Variants in TGFBRAP1 observed in about 807,000 individuals in gnomAD.
The protein encoded by TGFBRAP1 is transforming growth factor-beta receptor-associated protein 1.
A neutral mutation model predicts 83.2 loss-of-function variants in TGFBRAP1; 20 were observed. The ratio of observed to expected loss-of-function variants is 0.24; its 90% CI spans 0.17 to 0.35. The LOEUF (loss-of-function observed/expected upper bound fraction) is 0.35. Ranked by LOEUF, TGFBRAP1 falls within the 10% of genes least tolerant of loss-of-function variation. The pLI, the probability that TGFBRAP1 is intolerant of heterozygous loss-of-function variation, is 1.00. For synonymous variants in TGFBRAP1, 415 were observed against 459.8 expected (o/e 0.90, Z 1.25); for missense variants, 950 against 1,099.4 (o/e 0.86, Z 1.92).
chr2:105,281,325 T>C (rs1374896844), intron 5 of TGFBRAP1, among the ~76,000 whole-genome samples: 4 of 152,150 alleles, frequency 2.6e-5, no homozygotes, highest in African/African-American at 9.7e-5. Flanking sequence ...CTCCGGAACC[T>C]CCTTGTCCTG....
At chr2:105,259,381 C>T in the TGFBRAP1 span, among the ~76,000 whole-genome samples, 1 of 152,190 alleles carries the variant, frequency 6.6e-6, no homozygotes, top group Admixed American at 6.6e-5. Flanking sequence ...TTCTTGCCCT[C>T]CCAGGAAAGT....
At chr2:105,307,517 G>T in intron 2 of TGFBRAP1, 97 bp downstream of exon 2, 1 of 1,302,044 alleles carries the variant, frequency 7.7e-7, no homozygotes, top group Non-Finnish European at 1.1e-6. Context: ...TGTCACTGAG[G>T]ATTTATTCTG....
Position 105,280,463 on chromosome 2 carries a change from T to C in TGFBRAP1, c.1382A>G (p.His461Arg). 1 of 1,614,190 alleles carries C rather than the reference T, an allele frequency of 6.2e-7. No homozygotes were observed. Among genetic ancestry groups the C allele is most frequent in the Non-Finnish European group, 8.5e-7 (1 of 1,180,016 alleles). The change falls in exon 6 of 12, where the codon CAC becomes CGC. Residue 461 changes from histidine to arginine, a missense_variant. His to Arg is a conservative substitution (Grantham distance 29). Transcript: ENST00000393359. ...ALLKLYAEAD[H>R]DSLLDLLVTE... ...GACCAGGAGGTCCAGCAGGCTGTCG[T>C]GGTCAGCCTCTGCATACAGTTTGAG...
rs80211351 is a variant in TGFBRAP1, at chr2:105,303,357, C to T, written c.688+4257G>A. Among the ~76,000 whole-genome samples, 64 of 152,320 alleles carry T rather than the reference C, an allele frequency of 4.2e-4. No individual in the cohort carries two copies. The East Asian group carries it at 0.011, about 27-fold the overall frequency. On this transcript the variant is annotated intron_variant, in intron 2 of 11. Coordinates refer to ENST00000393359, the MANE Select transcript of TGFBRAP1 (RefSeq NM_004257.6). ...CAATGAGCAGTAAGCACCTCTGGCTCCCAGACTGTGGTCTGTAAACATCAG... is the reference window on the plus strand; with the variant it reads ...CAATGAGCAGTAAGCACCTCTGGCTTCCAGACTGTGGTCTGTAAACATCAG...
At chr2:105,277,699 A>T in intron 6 of TGFBRAP1, 28 bp from the exon 7 acceptor site, 1 of 1,611,820 alleles carries the variant, frequency 6.2e-7, no homozygotes, top group Non-Finnish European at 8.5e-7. Flanking sequence ...GGTAAGTACA[A>T]CCTCTCCCCA....
chr2:105,329,588 G>GCCCCGCA (rs1241533764), intron 1 of TGFBRAP1, 37 bp downstream of exon 1: 2 of 145,820 alleles, frequency 1.4e-5, no homozygotes, highest in Admixed American at 6.8e-5. Flanking sequence ...CGCGCCCTGA[G>GCCCCGCA]CCCCGCACCC....
chr2:105,268,046 T>A (rs1677003695), intron 11 of TGFBRAP1, among the ~76,000 whole-genome samples: 1 of 152,242 alleles, frequency 6.6e-6, no homozygotes, highest in South Asian at 2.1e-4. Flanking sequence ...CCCTTCCGTT[T>A]CCTTAGAGGT....
chr2:105,252,204 G>A, the TGFBRAP1 span, among the ~76,000 whole-genome samples: 5 of 152,196 alleles, frequency 3.3e-5, no homozygotes, highest in South Asian at 4.2e-4. Flanking sequence ...GCATTTTTGC[G>A]GTGGTCTCAT....
At chr2:105,255,125 T>C in the TGFBRAP1 span, among the ~76,000 whole-genome samples, 1 of 152,134 alleles carries the variant, frequency 6.6e-6, no homozygotes, top group Non-Finnish European at 1.5e-5. Context: ...CTATTCTCTG[T>C]CCTGAGAAGC....
Position 105,272,989 on chromosome 2 carries a change from G to T in TGFBRAP1, c.1838C>A (p.Ala613Asp). 1 of 1,613,532 alleles carries T rather than the reference G, an allele frequency of 6.2e-7. No individual in the cohort carries two copies. Among genetic ancestry groups the T allele is most frequent in the Non-Finnish European group, 8.5e-7 (1 of 1,179,968 alleles). ...CAGCACCTCTTCCAGGTACAGCACA[G>T]CTAAGTGGGTGTGATACTCTTCTTT... ...LQKEEYHTHLAVLYLEEVLLQ... is the reference protein window; with the variant it reads ...LQKEEYHTHLDVLYLEEVLLQ... The change falls in exon 10 of 12, where the codon GCT becomes GAT. Residue 613 changes from alanine (A) to aspartate (D), a missense_variant. Coordinates refer to ENST00000393359, the MANE Select transcript of TGFBRAP1 (RefSeq NM_004257.6).
chr2:105,268,417 A>G (rs571026077), intron 11 of TGFBRAP1, among the ~76,000 whole-genome samples: 13 of 152,366 alleles, frequency 8.5e-5, no homozygotes, highest in South Asian at 2.1e-4. Context: ...CTTAAGAGGT[A>G]TGAGATGGCT....
chr2:105,298,584 G>A lies in TGFBRAP1; in HGVS notation c.810C>T (p.Val270=). The change falls in exon 3 of 12, where the codon GTC becomes GTT. Residue 270 remains valine, a synonymous_variant. Coordinates refer to ENST00000393359, the MANE Select transcript of TGFBRAP1 (RefSeq NM_004257.6). ...TCTGTTGCTGATCCAACATGCTGTGGACTGTGATGAATTCGTCATCGAGCG... is the reference window on the plus strand; with the variant it reads ...TCTGTTGCTGATCCAACATGCTGTGAACTGTGATGAATTCGTCATCGAGCG... ...VIALDDEFIT[V]HSMLDQQQKQ... The A allele has an allele frequency of 6.2e-7, 1 of 1,614,130 alleles. No individual in the cohort carries two copies. Among genetic ancestry groups the A allele is most frequent in the Non-Finnish European group, 8.5e-7 (1 of 1,180,012 alleles).
chr2:105,289,514 A>G (rs1310084418), intron 4 of TGFBRAP1, among the ~76,000 whole-genome samples: 1 of 147,138 alleles, frequency 6.8e-6, no homozygotes, highest in Non-Finnish European at 1.5e-5. Flanking sequence ...GAGATATGTT[A>G]TGTATTGAGG....
intron 10 of TGFBRAP1, among the ~76,000 whole-genome samples, chr2:105,272,261 T>C (rs1677180747): frequency 6.6e-6 from 1 of 152,170 alleles, no homozygotes; most frequent in Admixed American, 6.5e-5. Flanking sequence ...GAAACCCAAA[T>C]GCCCTCCAAG....
At chr2:105,254,304 C>G in the TGFBRAP1 span, among the ~76,000 whole-genome samples, 1 of 152,116 alleles carries the variant, frequency 6.6e-6, no homozygotes, top group African/African-American at 2.4e-5. Context: ...TACTTCTCAT[C>G]AGCCACCCCT....
At chr2:105,315,492 G>A (rs963898290) in intron 1 of TGFBRAP1, among the ~76,000 whole-genome samples, 2 of 152,172 alleles carry the variant, frequency 1.3e-5, no homozygotes, top group Non-Finnish European at 2.9e-5. Flanking sequence ...CTCATATCCA[G>A]AATATAGAAA....
chr2:105,323,723 A>G (rs1014416712), intron 1 of TGFBRAP1, among the ~76,000 whole-genome samples: 1 of 152,124 alleles, frequency 6.6e-6, no homozygotes, highest in Non-Finnish European at 1.5e-5. Flanking sequence ...CTACTAGAAA[A>G]CAAACTGCCA....
chr2:105,308,775 CA>C (rs1338556163), intron 1 of TGFBRAP1, among the ~76,000 whole-genome samples: 1 of 150,654 alleles, frequency 6.6e-6, no homozygotes, highest in East Asian at 2.0e-4. Flanking sequence ...AAAAAAAAAA[CA>C]AAAAGGATTT....
Position 105,277,640 on chromosome 2 carries a change from T to G in TGFBRAP1, c.1495A>C (p.Asn499His). 6.2e-7 allele frequency: 1 copy of G among 1,614,166 alleles called. No individual in the cohort carries two copies. Among genetic ancestry groups the G allele is most frequent in the Non-Finnish European group, 8.5e-7 (1 of 1,180,038 alleles). ...TGAACTGCAGCAGCATCTTGGTTAT[T>G]ATAATGATAGAGCAGTCCAAGTGCA... is the stretch of plus-strand genomic sequence containing the variant. ...YFALGLLYHY[N>H]NQDAAAVQLW... The change falls in exon 7 of 12, where the codon AAT becomes CAT. Residue 499 changes from asparagine (N) to histidine (H), a missense_variant. Physicochemically the swap from Asn to His is moderately conservative, Grantham distance 68. Transcript: ENST00000393359.
Sources: allele counts gnomAD v4.1 joint callset (sites outside exome capture counted in the v4.1 genomes callset), GRCh38; gene constraint gnomAD v4.1.1; transcripts MANE v1.5; gene names NCBI Gene and HGNC (gene_info 2026-07-23, HGNC 2026-07-21).